Variants in CUL5 observed in about 807,000 individuals in gnomAD.
CUL5 encodes the protein cullin-5.
A neutral mutation model predicts 108.8 loss-of-function variants in CUL5; 26 were observed. The observed-to-expected ratio is 0.24, with a 90% CI of 0.18 to 0.33. The LOEUF (loss-of-function observed/expected upper bound fraction) is 0.33. Ranked by LOEUF, CUL5 falls within the 10% of genes least tolerant of loss-of-function variation. The pLI is 1.00. For missense variants in CUL5, 524 were observed against 909.2 expected, an observed-to-expected ratio of 0.58 and a Z score of 5.45; for synonymous variants, 334 against 298.0, an observed-to-expected ratio of 1.12 and a Z score of -1.25.
At chr11:108,037,196 C>T (rs187164779) in intron 2 of CUL5, among the ~76,000 whole-genome samples, 1 of 152,142 alleles carries the variant, frequency 6.6e-6, no homozygotes, top group Non-Finnish European at 1.5e-5. Context: ...CAGAAACTGC[C>T]AGGGGAATGA....
At chr11:108,022,033 T>TG (rs778306822) in intron 1 of CUL5, among the ~76,000 whole-genome samples, 14 of 152,322 alleles carry the variant, frequency 9.2e-5, no homozygotes, top group Middle Eastern at 3.4e-3. Context: ...TTCTTAGAGA[T>TG]GGGGTCTTTC....
rs555924808 is a variant in CUL5 at position 108,016,072 on chromosome 11, C to T, written c.24+6700C>T. 4.7e-4 allele frequency among the ~76,000 whole-genome samples: 72 copies of T among 152,132 alleles called. No homozygotes were observed. In the South Asian group the frequency reaches 0.012, roughly 25 times the overall value. ...GAGTGGCTGAGACTACAGGCACATACCACCCTAGGTCTGGCTAATTTTTTA... is the reference window on the plus strand; with the variant it reads ...GAGTGGCTGAGACTACAGGCACATATCACCCTAGGTCTGGCTAATTTTTTA... On this transcript the variant is annotated intron_variant, in intron 1 of 18. Transcript: ENST00000393094.
At chr11:108,057,789 T>C (rs1319208447) in intron 7 of CUL5, among the ~76,000 whole-genome samples, 1 of 152,208 alleles carries the variant, frequency 6.6e-6, no homozygotes, top group Non-Finnish European at 1.5e-5. Context: ...ATTGATAGTA[T>C]CGTACCAATA....
intron 12 of CUL5, among the ~76,000 whole-genome samples, chr11:108,088,884 T>G (rs1864286286): frequency 6.6e-6 from 1 of 152,168 alleles, no homozygotes; most frequent in Admixed American, 6.5e-5. Flanking sequence ...CTCTCCTTTC[T>G]TGGTTATTTT....
intron 1 of CUL5, among the ~76,000 whole-genome samples, chr11:108,028,244 G>A (rs914912861): frequency 6.6e-6 from 1 of 152,112 alleles, no homozygotes; most frequent in East Asian, 1.9e-4. Flanking sequence ...TCCTTAATAA[G>A]CCTGTCAAAT....
intron 7 of CUL5, among the ~76,000 whole-genome samples, chr11:108,062,049 A>C (rs1440301163): frequency 6.6e-6 from 1 of 152,214 alleles, no homozygotes; most frequent in East Asian, 1.9e-4. Context: ...GGGAATTACA[A>C]TTCGAGATGA....
intron 1 of CUL5, among the ~76,000 whole-genome samples, chr11:108,009,797 A>T (rs993238705): frequency 6.6e-6 from 1 of 151,894 alleles, no homozygotes; most frequent in African/African-American, 2.4e-5. Flanking sequence ...TCGACCCCCC[A>T]CTTCTTCCAT....
intron 2 of CUL5, among the ~76,000 whole-genome samples, chr11:108,041,685 A>G (rs1591291698): frequency 6.8e-6 from 1 of 147,768 alleles, no homozygotes; most frequent in South Asian, 2.2e-4. Flanking sequence ...CTGCCTCCTG[A>G]GTTCAAGCGA....
intron 11 of CUL5, among the ~76,000 whole-genome samples, chr11:108,078,743 C>G (rs369259186): frequency 1.3e-5 from 2 of 152,060 alleles, no homozygotes; most frequent in Admixed American, 6.6e-5. Flanking sequence ...TAAAAAAAGT[C>G]TTTTGATGTG....
At chr11:108,053,686 T>TA (rs1190865416) in intron 5 of CUL5, among the ~76,000 whole-genome samples, 1 of 151,666 alleles carries the variant, frequency 6.6e-6, no homozygotes, top group Non-Finnish European at 1.5e-5. Context: ...TGCTTTTTTT[T>TA]TTTTTTTTTA....
intron 18 of CUL5, 91 bp from the exon 19 acceptor site, chr11:108,104,099 G>A (rs1864733269): frequency 1.4e-6 from 1 of 729,188 alleles, no homozygotes; most frequent in Admixed American, 3.1e-5. Flanking sequence ...TTGGATAGAG[G>A]ATGAATATGC....
chr11:108,089,353 A>G (rs957514979), intron 12 of CUL5, 139 bp from the exon 13 acceptor site: 7 of 502,406 alleles, frequency 1.4e-5, no homozygotes, highest in Non-Finnish European at 2.4e-5. Flanking sequence ...TTTCTCAGAG[A>G]TGGATAATTC....
chr11:108,099,022 T>TTG (rs1864573124), intron 18 of CUL5, among the ~76,000 whole-genome samples: 1 of 150,814 alleles, frequency 6.6e-6, no homozygotes, highest in South Asian at 2.1e-4. Flanking sequence ...TTTTTTTTTT[T>TTG]GAGACAGGGT....
chr11:108,098,573 G>GTT (rs11302777), intron 18 of CUL5, 44 bp downstream of exon 18: 2,113 of 1,060,382 alleles, frequency 2.0e-3, no homozygotes, highest in African/African-American at 4.0e-3. Flanking sequence ...AAAAACTTTA[G>GTT]TTTTTTTTTT....
At chr11:108,089,780 C>T (rs571070924) in intron 13 of CUL5, among the ~76,000 whole-genome samples, 157 bp downstream of exon 13, 2 of 152,258 alleles carry the variant, frequency 1.3e-5, no homozygotes, top group South Asian at 4.1e-4. Context: ...TGGCTCATAC[C>T]TGTAATCCCA....
intron 10 of CUL5, chr11:108,074,002 T>G (rs1010834596): frequency 6.6e-6 from 1 of 152,342 alleles, no homozygotes; most frequent in African/African-American, 2.4e-5. Flanking sequence ...AGGATAATGA[T>G]AATAAAACAC....
intron 1 of CUL5, among the ~76,000 whole-genome samples, chr11:108,023,241 C>T (rs1862370508): frequency 1.3e-5 from 2 of 152,198 alleles, no homozygotes; most frequent in Non-Finnish European, 2.9e-5. Flanking sequence ...AAACAAAACT[C>T]TGTATCAAAA....
At chr11:108,033,978 A>C in intron 2 of CUL5, 67 bp downstream of exon 2, 1 of 914,622 alleles carries the variant, frequency 1.1e-6, no homozygotes, top group Admixed American at 2.0e-5. Flanking sequence ...CCATACCCAA[A>C]TGGAATGTGT....
chr11:108,070,544 A>T (rs567717222), intron 8 of CUL5, among the ~76,000 whole-genome samples: 1 of 152,266 alleles, frequency 6.6e-6, no homozygotes, highest in South Asian at 2.1e-4. Flanking sequence ...CCTTGTGATG[A>T]ATCTTTTTAG....
Sources: gnomAD v4.1 joint callset for allele counts (sites outside exome capture counted in the v4.1 genomes callset) on GRCh38, gnomAD v4.1.1 for gene constraint, MANE v1.5 for transcripts, NCBI Gene and HGNC (gene_info 2026-07-23, HGNC 2026-07-21) for gene names.